The following EPB41L4B variants were observed in gnomAD, a reference collection of about 807,000 sequenced individuals.
EPB41L4B encodes band 4.1-like protein 4B.
A neutral mutation model predicts 112.5 loss-of-function variants in EPB41L4B; 30 were observed. The observed-to-expected ratio is 0.27, with a 90% CI of 0.20 to 0.36. The LOEUF (loss-of-function observed/expected upper bound fraction) is 0.36. Ranked by LOEUF, EPB41L4B falls within the 10% of genes least tolerant of loss-of-function variation. The probability of loss-of-function intolerance (pLI) is 1.00; values close to 1 mark genes in which losing one functional copy is unlikely to be tolerated. For missense variants in EPB41L4B, 1,024 were observed against 1,133.3 expected (o/e 0.90, Z 1.38); for synonymous variants, 408 against 439.7 (o/e 0.93, Z 0.90).
At chr9:109,291,333 C>G (rs1423275777) in intron 1 of EPB41L4B, among the ~76,000 whole-genome samples, 1 of 152,128 alleles carries the variant, frequency 6.6e-6, no homozygotes, top group Non-Finnish European at 1.5e-5. Flanking sequence ...ATACTGAAAG[C>G]CTACTCCACG....
At chr9:109,198,603 A>C (rs913339367) in intron 20 of EPB41L4B, among the ~76,000 whole-genome samples, 2 of 152,142 alleles carry the variant, frequency 1.3e-5, no homozygotes, top group Non-Finnish European at 2.9e-5. Context: ...GCCATAGCTA[A>C]GGTCAAGAAA....
rs938392947 is a variant in EPB41L4B at position 109,320,922 on chromosome 9, C to G, written c.-476G>C. ...CACTCGCCGCGCCGCGCCCGGGGCCCGAGGAGGCCCCGCCGAGCGCCCGCT... is the reference window on the plus strand; with the variant it reads ...CACTCGCCGCGCCGCGCCCGGGGCCGGAGGAGGCCCCGCCGAGCGCCCGCT... On this transcript the variant is annotated 5_prime_UTR_variant, in exon 1 of 26. Coordinates refer to ENST00000374566, the MANE Select transcript of EPB41L4B (RefSeq NM_019114.5). The G allele has an allele frequency of 8.4e-3, 1,300 of 154,898 alleles. 23 individuals are homozygous for G. Among genetic ancestry groups the G allele is most frequent in the African/African-American group, 0.03 (1,229 of 41,118 alleles). The allele number at this position is 154,898 out of a possible 1,614,324, so 9.6% of individuals were successfully genotyped here.
chr9:109,299,000 G>A (rs1051211757), intron 1 of EPB41L4B, among the ~76,000 whole-genome samples: 2 of 152,176 alleles, frequency 1.3e-5, no homozygotes, highest in Non-Finnish European at 2.9e-5. Flanking sequence ...AGGGAATTCT[G>A]CAATGGGGTT....
intron 15 of EPB41L4B, among the ~76,000 whole-genome samples, chr9:109,237,076 A>ACTCTGTCAT (rs550710291): frequency 1.4e-4 from 21 of 152,012 alleles, no homozygotes; most frequent in Non-Finnish European, 2.5e-4. Flanking sequence ...CAACAAAAAG[A>ACTCTGTCAT]CTCTGTCATT....
At chr9:109,319,340 C>A (rs1425314702) in intron 1 of EPB41L4B, among the ~76,000 whole-genome samples, 1 of 152,138 alleles carries the variant, frequency 6.6e-6, no homozygotes, top group Non-Finnish European at 1.5e-5. Flanking sequence ...CGCCGCCGCC[C>A]TGAGGTGCCC....
At chr9:109,240,075 T>C in intron 15 of EPB41L4B, 1 of 985,370 alleles carries the variant, frequency 1.0e-6, no homozygotes, top group Non-Finnish European at 1.2e-6. Context: ...AAGCCAACTG[T>C]TCTGTTACCA....
rs67412728 is a variant in EPB41L4B at position 109,172,538 on chromosome 9, T to C, written c.*2016A>G. Reference sequence around the variant, plus strand: ...AAAACCATCAGTGAGAACAGCATAATATCCTATAAAAGGCCAAGCCAAGCC... The same window carrying C: ...AAAACCATCAGTGAGAACAGCATAACATCCTATAAAAGGCCAAGCCAAGCC... On this transcript the variant is annotated 3_prime_UTR_variant, in exon 26 of 26. Transcript: ENST00000374566. 28,631 of 152,002 alleles carry C rather than the reference T, an allele frequency of 0.19. 2,973 individuals carry two copies. Among genetic ancestry groups the C allele is most frequent in the Middle Eastern group, 0.23 (69 of 294 alleles). 9.4% of individuals were successfully genotyped at this position (152,002 alleles called of 1,614,324 possible).
chr9:109,242,522 A>C (rs1834389255), intron 15 of EPB41L4B, among the ~76,000 whole-genome samples: 1 of 152,260 alleles, frequency 6.6e-6, no homozygotes, highest in African/African-American at 2.4e-5. Context: ...AGAATAAAGC[A>C]CCTTTGAAAT....
In EPB41L4B at chr9:109,281,213, T is replaced by C. The variant is rs746515790; in HGVS notation, c.307-1292A>G. ...AGAACATGTTTGCAAATCTAGAATA[T>C]ATAAAGAACTATTACAGCTCAATAA... On this transcript the variant is annotated intron_variant, in intron 1 of 25. Coordinates refer to ENST00000374566, the MANE Select transcript of EPB41L4B (RefSeq NM_019114.5). 1.4e-4 allele frequency among the ~76,000 whole-genome samples: 21 copies of C among 151,312 alleles called. No homozygotes were observed. In the South Asian group the frequency reaches 1.5e-3, roughly 11 times the overall value.
intron 17 of EPB41L4B, among the ~76,000 whole-genome samples, chr9:109,211,808 T>G (rs981756482): frequency 6.8e-6 from 1 of 148,102 alleles, no homozygotes; most frequent in African/African-American, 2.5e-5. Flanking sequence ...CTCTGTCTCG[T>G]GGGTTCAAGC....
intron 1 of EPB41L4B, among the ~76,000 whole-genome samples, chr9:109,313,727 A>G (rs1364987993): frequency 2.0e-5 from 3 of 152,154 alleles, no homozygotes; most frequent in African/African-American, 7.2e-5. Context: ...TCCCCACCCC[A>G]GCTAAGAGTC....
At position 109,263,067 on chromosome 9, in the gene EPB41L4B, G is replaced by A; in HGVS notation, c.614C>T (p.Ala205Val). The A allele has an allele frequency of 6.3e-7, 1 of 1,596,568 alleles. No homozygotes were observed. The highest frequency in any genetic ancestry group is 8.6e-7 in the Non-Finnish European group (1 of 1,168,418). Residue 205 changes from alanine (A) to valine (V), a missense_variant, in exon 6 of 26, where the codon GCT becomes GTT. By Grantham distance (64) the Ala-to-Val change is moderately conservative. Transcript: ENST00000374566. Reference protein sequence around the residue: ...KCPYETAVELAALCLQAELGE... With the variant: ...KCPYETAVELVALCLQAELGE... ...TAATGTACCTTGTAGACAGAGAGCAGCTAATTCCACAGCTGTTTCATAAGG... is the reference window on the plus strand; with the variant it reads ...TAATGTACCTTGTAGACAGAGAGCAACTAATTCCACAGCTGTTTCATAAGG...
chr9:109,190,865 G>A (rs1032563655), intron 22 of EPB41L4B, among the ~76,000 whole-genome samples: 1 of 152,186 alleles, frequency 6.6e-6, no homozygotes, highest in African/African-American at 2.4e-5. Flanking sequence ...GGAAGCCCTG[G>A]TCACAAGTCA....
At position 109,176,537 on chromosome 9, in the gene EPB41L4B, C is replaced by T; in HGVS notation, c.2633+14G>A. 1 of 1,597,262 alleles carries T rather than the reference C, an allele frequency of 6.3e-7. No homozygotes were observed. Among genetic ancestry groups the T allele is most frequent in the East Asian group, 2.2e-5 (1 of 44,654 alleles). On this transcript the variant is annotated intron_variant, in intron 25 of 25. Coordinates refer to ENST00000374566, the MANE Select transcript of EPB41L4B (RefSeq NM_019114.5). The stretch of plus-strand genomic sequence containing the variant: ...CACCAGAATTACCTGTCGGAACCTG[C>T]TGACCTGACCTACCTGGCTGCCAGA...
rs926096939 is a variant in EPB41L4B, at chr9:109,219,582, G to A, written c.1410-2437C>T. Reference sequence around the variant, plus strand: ...TCACCGTGTTAGCCAGGACGGTCTCGATCTCCTGACCTTGTGATCCACCCG... The same window carrying A: ...TCACCGTGTTAGCCAGGACGGTCTCAATCTCCTGACCTTGTGATCCACCCG... On this transcript the variant is annotated intron_variant, in intron 15 of 25. Coordinates refer to ENST00000374566, the MANE Select transcript of EPB41L4B (RefSeq NM_019114.5). Among the ~76,000 whole-genome samples, 5 of 151,670 alleles carry A rather than the reference G, an allele frequency of 3.3e-5. 1 individual carries two copies. Among genetic ancestry groups the A allele is most frequent in the African/African-American group, 7.3e-5 (3 of 41,188 alleles).
At position 109,217,079 on chromosome 9, in the gene EPB41L4B, C is replaced by T. The variant is rs1306501564; in HGVS notation, c.1476G>A (p.Gly492=). 3 of 1,614,180 alleles carry T rather than the reference C, an allele frequency of 1.9e-6. No individual in the cohort carries two copies. The highest frequency in any genetic ancestry group is 1.1e-5 in the South Asian group (1 of 91,082). ...DRLPFGIEEN[G]GTPFLTAASG... is the part of the protein sequence containing the mutation. ...AAGCTGCGGTGAGGAACGGTGTGCC[C>T]CCATTCTCCTCAATGCCAAAAGGCA... is the stretch of plus-strand genomic sequence containing the variant. The change falls in exon 16 of 26, where the codon GGG becomes GGA. Residue 492 remains glycine (G), a synonymous_variant. Transcript: ENST00000374566.
intron 15 of EPB41L4B, among the ~76,000 whole-genome samples, chr9:109,243,407 T>G (rs3793563): frequency 0.38 from 58,287 of 151,938 alleles, 11,480 homozygotes; most frequent in Admixed American, 0.49. Context: ...AAAAATCAAT[T>G]CATTTTTTAT....
chr9:109,233,271 C>T (rs553776256), intron 15 of EPB41L4B, among the ~76,000 whole-genome samples: 1 of 152,186 alleles, frequency 6.6e-6, no homozygotes, highest in Admixed American at 6.5e-5. Context: ...ATTTCAGTTC[C>T]AATATATTGA....
At chr9:109,206,601 G>A (rs966398015) in intron 18 of EPB41L4B, among the ~76,000 whole-genome samples, 3 of 152,198 alleles carry the variant, frequency 2.0e-5, no homozygotes, top group African/African-American at 7.2e-5. Flanking sequence ...TCAACAGGTG[G>A]TACCTCCTTG....
Sources: allele counts gnomAD v4.1 joint callset (sites outside exome capture counted in the v4.1 genomes callset), GRCh38; gene constraint gnomAD v4.1.1; transcripts MANE v1.5; gene names NCBI Gene and HGNC (gene_info 2026-07-23, HGNC 2026-07-21).